The following NECAB1 variants were observed in gnomAD, a reference collection of about 807,000 sequenced individuals.
The protein encoded by NECAB1 is N-terminal EF-hand calcium binding protein 1.
Under a neutral mutation model 57.5 loss-of-function variants are expected in NECAB1, and 29 were observed. The ratio of observed to expected loss-of-function variants is 0.50; its 90% CI spans 0.38 to 0.69. NECAB1 has a LOEUF of 0.69. Ranked by LOEUF, NECAB1 falls within the 30% of genes least tolerant of loss-of-function variation. The pLI is 0.00. For synonymous variants in NECAB1, 142 were observed against 147.7 expected, an observed-to-expected ratio of 0.96 and a Z score of 0.28; for missense variants, 372 against 413.8, an observed-to-expected ratio of 0.90 and a Z score of 0.88.
At chr8:90,887,723 A>T (rs2129925849) in intron 5 of NECAB1, among the ~76,000 whole-genome samples, 1 of 152,270 alleles carries the variant, frequency 6.6e-6, no homozygotes, top group Admixed American at 6.5e-5. Flanking sequence ...CTTTTTAAGG[A>T]GGCAGCTATG....
rs138914861 is a variant in NECAB1 at position 90,804,761 on chromosome 8, C to G, written c.124+3046C>G. ...TTCATCCCACCTTACTCTTCTCCCTCATTCTCAGTGTAAAGTTGGAGGGAA... is the reference window on the plus strand; with the variant it reads ...TTCATCCCACCTTACTCTTCTCCCTGATTCTCAGTGTAAAGTTGGAGGGAA... On this transcript the variant is annotated intron_variant, in intron 2 of 12. Transcript: ENST00000417640. Among the ~76,000 whole-genome samples the G allele has an allele frequency of 1.6e-4, 25 of 152,318 alleles. No homozygotes were observed. In the East Asian group the frequency reaches 4.4e-3, roughly 27 times the overall value.
intron 5 of NECAB1, among the ~76,000 whole-genome samples, chr8:90,907,937 T>A (rs1283569178): frequency 3.3e-5 from 5 of 152,214 alleles, no homozygotes; most frequent in African/African-American, 4.8e-5. Context: ...CCATACACTA[T>A]GCTGTTTAGA....
At chr8:90,858,353 C>A (rs1355858618) in intron 3 of NECAB1, among the ~76,000 whole-genome samples, 1 of 152,110 alleles carries the variant, frequency 6.6e-6, no homozygotes, top group Non-Finnish European at 1.5e-5. Context: ...GTACCATCTG[C>A]CACAATTTAA....
At chr8:90,847,661 A>G (rs1445966076) in intron 3 of NECAB1, among the ~76,000 whole-genome samples, 2 of 152,240 alleles carry the variant, frequency 1.3e-5, no homozygotes, top group African/African-American at 4.8e-5. Flanking sequence ...AAATCTAGGC[A>G]GAGGATCCCA....
intron 5 of NECAB1, among the ~76,000 whole-genome samples, chr8:90,893,833 A>G (rs1488411479): frequency 7.3e-6 from 1 of 136,296 alleles, no homozygotes; most frequent in African/African-American, 3.2e-5. Context: ...ACAGTTTTGC[A>G]TTTTGTAAAG....
At chr8:90,836,414 C>T (rs1296354959) in intron 3 of NECAB1, among the ~76,000 whole-genome samples, 2 of 152,140 alleles carry the variant, frequency 1.3e-5, no homozygotes, top group African/African-American at 4.8e-5. Context: ...TTGTCTCATT[C>T]ACTAATGGGT....
At chr8:90,883,743 A>G (rs1808901625) in intron 5 of NECAB1, among the ~76,000 whole-genome samples, 1 of 152,180 alleles carries the variant, frequency 6.6e-6, no homozygotes, top group African/African-American at 2.4e-5. Flanking sequence ...CCATAGGTCA[A>G]ATTCCAAATG....
At chr8:90,811,331 A>T (rs1586035409) in intron 2 of NECAB1, among the ~76,000 whole-genome samples, 1 of 152,164 alleles carries the variant, frequency 6.6e-6, no homozygotes, top group African/African-American at 2.4e-5. Flanking sequence ...AGCATCAATA[A>T]TTTCAATGCG....
intron 5 of NECAB1, among the ~76,000 whole-genome samples, chr8:90,909,713 T>C (rs1809781432): frequency 6.6e-6 from 1 of 152,282 alleles, no homozygotes; most frequent in East Asian, 1.9e-4. Context: ...ATTTGCTCTA[T>C]ATGTCTCCAT....
intron 3 of NECAB1, among the ~76,000 whole-genome samples, chr8:90,847,506 A>G (rs560767305): frequency 6.6e-6 from 1 of 152,342 alleles, no homozygotes; most frequent in East Asian, 1.9e-4. Flanking sequence ...CAGCTCCACT[A>G]GGCAGTGCCT....
chr8:90,894,753 T>G (rs537479610), intron 5 of NECAB1, among the ~76,000 whole-genome samples: 3 of 152,336 alleles, frequency 2.0e-5, no homozygotes, highest in Admixed American at 6.5e-5. Context: ...CAAAATATTT[T>G]ATTTCTATAA....
chr8:90,800,464 T>A (rs1468190753), intron 1 of NECAB1, among the ~76,000 whole-genome samples: 1 of 152,186 alleles, frequency 6.6e-6, no homozygotes, highest in East Asian at 1.9e-4. Flanking sequence ...GGGTTTGGCA[T>A]AGATGGCTCT....
At chr8:90,917,870 A>ATATGTGTGTGTG (rs1554575432) in intron 6 of NECAB1, among the ~76,000 whole-genome samples, 3 of 64,342 alleles carry the variant, frequency 4.7e-5, no homozygotes, top group Non-Finnish European at 7.5e-5. Context: ...ATATATATAT[A>ATATGTGTGTGTG]TGTGTGTGTG....
intron 6 of NECAB1, among the ~76,000 whole-genome samples, chr8:90,917,913 T>TAC (rs1294117754): frequency 2.4e-5 from 3 of 123,234 alleles, no homozygotes; most frequent in South Asian, 2.5e-4. Flanking sequence ...TGTATATATA[T>TAC]ACACACACAC....
At chr8:90,803,986 T>C (rs920293897) in intron 2 of NECAB1, among the ~76,000 whole-genome samples, 4 of 152,214 alleles carry the variant, frequency 2.6e-5, no homozygotes, top group African/African-American at 7.2e-5. Context: ...TTGAGTGTTC[T>C]CAGCACTTTG....
At chr8:90,830,128 A>G (rs958207293) in intron 3 of NECAB1, among the ~76,000 whole-genome samples, 1 of 152,060 alleles carries the variant, frequency 6.6e-6, no homozygotes, top group African/African-American at 2.4e-5. Flanking sequence ...CAGTAGAAAA[A>G]GAAGGAAGGG....
intron 9 of NECAB1, among the ~76,000 whole-genome samples, chr8:90,935,860 G>C (rs1469789968): frequency 6.6e-6 from 1 of 152,082 alleles, no homozygotes; most frequent in Non-Finnish European, 1.5e-5. Context: ...ATTCAGTAGT[G>C]CATAGAAGTA....
chr8:90,897,990 T>G (rs1325230693), intron 5 of NECAB1, among the ~76,000 whole-genome samples: 3 of 152,248 alleles, frequency 2.0e-5, no homozygotes, highest in African/African-American at 7.2e-5. Flanking sequence ...AATAAGATTA[T>G]CATCTCTTTA....
chr8:90,905,343 CA>C (rs1660957514), intron 5 of NECAB1, among the ~76,000 whole-genome samples: 2 of 152,184 alleles, frequency 1.3e-5, no homozygotes, highest in South Asian at 4.2e-4. Context: ...CAGTGTTGGG[CA>C]ATTGTGACTT....
Sources: allele counts gnomAD v4.1 joint callset (sites outside exome capture counted in the v4.1 genomes callset), GRCh38; gene constraint gnomAD v4.1.1; transcripts MANE v1.5; gene names NCBI Gene and HGNC (gene_info 2026-07-23, HGNC 2026-07-21).